The following PABPC4 variants were observed in gnomAD, a reference collection of about 807,000 sequenced individuals.
The protein encoded by PABPC4 is poly(A) binding protein cytoplasmic 4.
PABPC4 carries 15 observed loss-of-function variants against 74.5 expected under a neutral mutation model. The ratio of observed to expected loss-of-function variants is 0.20; its 90% CI spans 0.13 to 0.31. The LOEUF (loss-of-function observed/expected upper bound fraction) is 0.31. Ranked by LOEUF, PABPC4 falls within the 10% of genes least tolerant of loss-of-function variation. The probability of loss-of-function intolerance (pLI) is 1.00; values close to 1 mark genes in which losing one functional copy is unlikely to be tolerated. For missense variants in PABPC4, 610 were observed against 853.5 expected (o/e 0.71, Z 3.55); for synonymous variants, 345 against 303.0 (o/e 1.14, Z -1.44).
At chr1:39,564,389 C>T (rs978626238) in intron 10 of PABPC4, 34 bp downstream of exon 10, 1 of 1,609,294 alleles carries the variant, frequency 6.2e-7, no homozygotes, top group Non-Finnish European at 8.5e-7. Flanking sequence ...CTCCCTCCTC[C>T]CCAGGCCACA....
chr1:39,562,488 C>A, intron 12 of PABPC4, 72 bp from the exon 13 acceptor site: 1 of 1,076,736 alleles, frequency 9.3e-7, no homozygotes, highest in South Asian at 1.4e-5. Context: ...AGTGCCTGTT[C>A]AATATCTGAA....
intron 5 of PABPC4, 51 bp from the exon 6 acceptor site, chr1:39,568,990 A>G (rs768637921): frequency 3.8e-6 from 6 of 1,570,742 alleles, no homozygotes; most frequent in Non-Finnish European, 5.2e-6. Flanking sequence ...ATGGGGTCTT[A>G]TTCTGGAGGT....
chr1:39,560,961 G>A lies in PABPC4; in HGVS notation c.*175C>T, dbSNP rs570574592. The A allele has an allele frequency of 9.3e-5, 30 of 322,484 alleles. No individual in the cohort carries two copies. Among genetic ancestry groups the A allele is most frequent in the Non-Finnish European group, 1.7e-4 (27 of 154,718 alleles). 20.0% of individuals were successfully genotyped at this position (322,484 alleles called of 1,614,324 possible). ...ACAGCAGAACCCAAAGAACATATTC[G>A]TATAATTGAAAAATTCTAGGTGCTT... On this transcript the variant is annotated 3_prime_UTR_variant, in exon 16 of 16. Transcript: ENST00000372858.
rs549523557 is a variant in PABPC4, at chr1:39,561,233, C to T, written c.*14-111G>A. On this transcript the variant is annotated intron_variant, in intron 15 of 15. Coordinates refer to ENST00000372858, the MANE Select transcript of PABPC4 (RefSeq NM_001135653.2). ...AGAAGAGAGTTTCTCAACCTCAGTG[C>T]TATTGACACTTTGGACATTCTGTTG... The T allele has an allele frequency of 8.3e-5, 36 of 434,140 alleles. No homozygotes were observed. In the Middle Eastern group the frequency reaches 2.2e-3, roughly 26 times the overall value. The allele number at this position is 434,140 out of a possible 1,614,324, so 26.9% of individuals were successfully genotyped here.
chr1:39,563,943 C>A, intron 10 of PABPC4, 21 bp from the exon 11 acceptor site: 1 of 1,611,408 alleles, frequency 6.2e-7, no homozygotes, highest in South Asian at 1.1e-5. Context: ...CCAGCAAATG[C>A]ACATCAGTGT....
rs763948657 is a variant in PABPC4, at chr1:39,562,145, C to T, written c.1821G>A (p.Thr607=). 25 of 1,613,994 alleles carry T rather than the reference C, an allele frequency of 1.5e-5. No individual in the cohort carries two copies. Among genetic ancestry groups the T allele is most frequent in the Middle Eastern group, 3.3e-4 (2 of 6,042 alleles). Residue 607 remains threonine, a synonymous_variant, in exon 14 of 16, where the codon ACG becomes ACA. Coordinates refer to ENST00000372858, the MANE Select transcript of PABPC4 (RefSeq NM_001135653.2). Reference sequence around the variant, plus strand: ...AGTTGTCTATCTCCAGCAGCATTCCCGTGATCTTCCCAGCCAGATTTGAAT... The same window carrying T: ...AGTTGTCTATCTCCAGCAGCATTCCTGTGATCTTCCCAGCCAGATTTGAAT... ...TMHSNLAGKI[T]GMLLEIDNSE...
At position 39,575,742 on chromosome 1, in the gene PABPC4, G is replaced by C; in HGVS notation, c.193+17C>G. The C allele has an allele frequency of 1.9e-6, 3 of 1,559,504 alleles. No homozygotes were observed. Among genetic ancestry groups the C allele is most frequent in the Non-Finnish European group, 2.6e-6 (3 of 1,147,586 alleles). ...CCTCCGGGCTCCCACGCACGTGTGGGCACAGCTTCTACTCACCGTCGGCCG... is the reference window on the plus strand; with the variant it reads ...CCTCCGGGCTCCCACGCACGTGTGGCCACAGCTTCTACTCACCGTCGGCCG... On this transcript the variant is annotated intron_variant, in intron 1 of 15. Transcript: ENST00000372858.
At chr1:39,572,069 A>G (rs1160908713) in intron 2 of PABPC4, among the ~76,000 whole-genome samples, 5 of 152,358 alleles carry the variant, frequency 3.3e-5, no homozygotes, top group South Asian at 2.1e-4. Flanking sequence ...TTATGCTTCT[A>G]AAGTGATTAA....
rs117264627 is a variant in PABPC4 at position 39,575,829 on chromosome 1, C to T, written c.123G>A (p.Arg41=). 5.6e-6 allele frequency: 9 copies of T among 1,611,598 alleles called. 1 individual carries two copies. In the South Asian group the frequency reaches 7.7e-5, roughly 14 times the overall value. The change falls in exon 1 of 16, where the codon CGG becomes CGA. Residue 41 remains arginine (R), a synonymous_variant. Coordinates refer to ENST00000372858, the MANE Select transcript of PABPC4 (RefSeq NM_001135653.2). The part of the protein sequence containing the change: ...FSPAGPVLSI[R]VCRDMITRRS... The stretch of plus-strand genomic sequence containing the variant: ...GGCGGGTGATCATATCGCGGCAGAC[C>T]CGGATGGACAGCACAGGCCCCGCGG...
At position 39,564,666 on chromosome 1, in the gene PABPC4, T is replaced by C. The variant is rs1049905893; in HGVS notation, c.1333+20A>G. ...GACAGGTATATCCTGGGCTGTCAAT[T>C]ACTGTTCCCCACCACCTACCTTGAG... On this transcript the variant is annotated intron_variant, in intron 9 of 15. Transcript: ENST00000372858. 12 of 1,612,926 alleles carry C rather than the reference T, an allele frequency of 7.4e-6. No individual in the cohort carries two copies. The highest frequency in any genetic ancestry group is 1.6e-4 in the Middle Eastern group (1 of 6,084).
At chr1:39,568,181 C>T (rs747108432) in intron 6 of PABPC4, 20 of 188,984 alleles carry the variant, frequency 1.1e-4, no homozygotes, top group Middle Eastern at 2.3e-3. Context: ...GGTGCGAACC[C>T]GGGAGGCGGA....
In PABPC4 at chr1:39,561,090, G is replaced by C; in HGVS notation, c.*46C>G. ...CTAGGAAGTCTTCAAACCTTGAGTT[G>C]AATTCCATAAGGGGTTATTTGGCTT... On this transcript the variant is annotated 3_prime_UTR_variant, in exon 16 of 16. Transcript: ENST00000372858. 2 of 470,290 alleles carry C rather than the reference G, an allele frequency of 4.3e-6. No homozygotes were observed. Among genetic ancestry groups the C allele is most frequent in the South Asian group, 3.1e-5 (2 of 64,458 alleles). The allele number at this position is 470,290 out of a possible 1,614,324, so 29.1% of individuals were successfully genotyped here.
At position 39,570,046 on chromosome 1, in the gene PABPC4, A is replaced by C. The variant is rs565536734; in HGVS notation, c.504-44T>G. On this transcript the variant is annotated intron_variant, in intron 3 of 15. Coordinates refer to ENST00000372858, the MANE Select transcript of PABPC4 (RefSeq NM_001135653.2). ...GAACAGTAATTACCCAGAGGAATAA[A>C]ACATGATGTCCAGGGACCCAAAGGA... 2.5e-6 allele frequency: 4 copies of C among 1,591,290 alleles called. No homozygotes were observed. The South Asian group carries it at 4.5e-5, about 18-fold the overall frequency.
At chr1:39,565,404 G>T in intron 7 of PABPC4, 26 bp from the exon 8 acceptor site, 1 of 1,592,534 alleles carries the variant, frequency 6.3e-7, no homozygotes, top group South Asian at 1.1e-5. Context: ...AGCTACTTAA[G>T]AAATAAGGTG....
At chr1:39,565,731 G>A (rs1054955885) in intron 7 of PABPC4, among the ~76,000 whole-genome samples, 1 of 152,172 alleles carries the variant, frequency 6.6e-6, no homozygotes, top group Non-Finnish European at 1.5e-5. Flanking sequence ...AGGAGGCTGA[G>A]GCAGGAGAAC....
In PABPC4 at chr1:39,565,155, T is replaced by C; in HGVS notation, c.1196A>G (p.Asn399Ser). The change falls in exon 8 of 16, where the codon AAT (asparagine) becomes AGT (serine). Residue 399 changes from asparagine to serine, a missense_variant. By Grantham distance (46) the Asn-to-Ser change is conservative. Around this residue, in one of 4 missense-constraint regions of PABPC4, gnomAD observed 277 missense variants for 301.8 expected, o/e 0.92. Coordinates refer to ENST00000372858, the MANE Select transcript of PABPC4 (RefSeq NM_001135653.2). ...GCCACCCGCTGCAGGCTGGAACTGA[T>C]TTAAGATGGCATTGGCAGGAAGTGC... is the stretch of plus-strand genomic sequence containing the variant. ...MRALPANAIL[N>S]QFQPAAGGYF... The C allele has an allele frequency of 6.2e-7, 1 of 1,614,190 alleles. No homozygotes were observed. Among genetic ancestry groups the C allele is most frequent in the South Asian group, 1.1e-5 (1 of 91,082 alleles).
chr1:39,571,581 AAAAC>A (rs751797421), intron 2 of PABPC4: 54 of 591,094 alleles, frequency 9.1e-5, no homozygotes, highest in Non-Finnish European at 1.3e-4. Flanking sequence ...ATTTTTATCA[AAAAC>A]AAACAAACAA....
At chr1:39,569,094 T>G (rs1402914809) in intron 5 of PABPC4, among the ~76,000 whole-genome samples, 155 bp from the exon 6 acceptor site, 2 of 152,188 alleles carry the variant, frequency 1.3e-5, no homozygotes, top group Non-Finnish European at 2.9e-5. Flanking sequence ...CTTCCTCATC[T>G]GTAAAGTGAG....
rs1258315278 is a variant in PABPC4, at chr1:39,569,030, T to C, written c.739-91A>G. ...GTCCCAAAAAATATTCTTTCTACTA[T>C]AGGACTAAAAACTAAATTCACTCCA... On this transcript the variant is annotated intron_variant, in intron 5 of 15. Coordinates refer to ENST00000372858, the MANE Select transcript of PABPC4 (RefSeq NM_001135653.2). 12 of 1,435,400 alleles carry C rather than the reference T, an allele frequency of 8.4e-6. No homozygotes were observed. In the East Asian group the frequency reaches 1.4e-4, roughly 17 times the overall value. 88.9% of individuals were successfully genotyped at this position (1,435,400 alleles called of 1,614,324 possible).
Sources: gnomAD v4.1 joint callset for allele counts (sites outside exome capture counted in the v4.1 genomes callset) on GRCh38, gnomAD v4.1.1 for gene constraint, gnomAD v4.1.1 regional missense constraint, MANE v1.5 for transcripts, NCBI Gene and HGNC (gene_info 2026-07-23, HGNC 2026-07-21) for gene names.